Variants in KIAA1755 observed in about 807,000 individuals in gnomAD.
The protein encoded by KIAA1755 is uncharacterized protein KIAA1755.
KIAA1755 carries 68 observed loss-of-function variants against 91.7 expected under a neutral mutation model. That is an observed-to-expected ratio of 0.74 (90% CI 0.61 to 0.91). KIAA1755 has a LOEUF of 0.91. KIAA1755 is among the 40% of genes least tolerant of loss of function. The pLI, the probability that KIAA1755 is intolerant of heterozygous loss-of-function variation, is 0.00. For missense variants in KIAA1755, 1,535 were observed against 1,494.4 expected (o/e 1.03, Z -0.45); for synonymous variants, 610 against 604.6 (o/e 1.01, Z -0.13).
At chr20:38,257,232 G>A (rs536144769) in intron 1 of KIAA1755, among the ~76,000 whole-genome samples, 1 of 152,304 alleles carries the variant, frequency 6.6e-6, no homozygotes, top group South Asian at 2.1e-4. Context: ...GCACACAGTA[G>A]GGAACTGGGG....
intron 1 of KIAA1755, among the ~76,000 whole-genome samples, chr20:38,259,208 C>T (rs572375334): frequency 8.5e-5 from 13 of 152,292 alleles, no homozygotes; most frequent in Admixed American, 2.0e-4. Context: ...AGGTGAATAA[C>T]CACTGGCTTA....
chr20:38,228,105 TC>T (rs1380326673), intron 6 of KIAA1755, 41 bp downstream of exon 6: 3 of 1,474,228 alleles, frequency 2.0e-6, no homozygotes, highest in South Asian at 1.3e-5. Context: ...CCCTGGTGGC[TC>T]CCAGGACTTA....
chr20:38,242,508 AAATGCATTT>A (rs2076087234), intron 2 of KIAA1755, among the ~76,000 whole-genome samples: 1 of 152,234 alleles, frequency 6.6e-6, no homozygotes, highest in African/African-American at 2.4e-5. Flanking sequence ...CATAAGTCAA[AAATGCATTT>A]AATGTACCTA....
rs199690669 is a variant in KIAA1755, at chr20:38,216,606, AT to A, written c.2901+646del. ...CCCCACAGACCTCAGTTTTCCCATA[AT>A]TTTTTTTTAAAGAGAGATTTGGCTA... On this transcript the variant is annotated intron_variant, in intron 13 of 13. Coordinates refer to ENST00000279024, the MANE Select transcript of KIAA1755 (RefSeq NM_001029864.2). 3.3e-5 allele frequency among the ~76,000 whole-genome samples: 5 copies of A among 151,878 alleles called. No individual in the cohort carries two copies. In the South Asian group the frequency reaches 8.4e-4, roughly 25 times the overall value.
At chr20:38,245,261 G>C (rs1275295033) in intron 2 of KIAA1755, among the ~76,000 whole-genome samples, 1 of 152,216 alleles carries the variant, frequency 6.6e-6, no homozygotes, top group Non-Finnish European at 1.5e-5. Flanking sequence ...GCTTCCCTGG[G>C]TTCCAGCCTT....
At chr20:38,223,388 TGGGTGCCCCTCAAA>T in intron 9 of KIAA1755, 136 bp downstream of exon 9, 1 of 565,186 alleles carries the variant, frequency 1.8e-6, no homozygotes. Flanking sequence ...GGGTACAAAG[TGGGTGCCCCTCAAA>T]TATGAGTCAA....
chr20:38,227,305 T>C, intron 6 of KIAA1755, 65 bp from the exon 7 acceptor site: 5 of 1,277,078 alleles, frequency 3.9e-6, no homozygotes, highest in Non-Finnish European at 5.6e-6. Flanking sequence ...CACACTTTGA[T>C]TTCCTCCTTC....
rs1005556383 is a variant in KIAA1755, at chr20:38,212,359, A to C, written c.*683T>G. The C allele has an allele frequency of 4.6e-5, 7 of 152,242 alleles. No homozygotes were observed. The highest frequency in any genetic ancestry group is 1.5e-4 in the African/African-American group (6 of 41,378). 9.4% of individuals were successfully genotyped at this position (152,242 alleles called of 1,614,324 possible). ...GGCAATCCCAGCACTTTGGCAGGCC[A>C]AGGCAAGAGGATCACTTGAGCCCAG... is the stretch of plus-strand genomic sequence containing the variant. On this transcript the variant is annotated 3_prime_UTR_variant, in exon 14 of 14. Coordinates refer to ENST00000279024, the MANE Select transcript of KIAA1755 (RefSeq NM_001029864.2).
intron 1 of KIAA1755, among the ~76,000 whole-genome samples, chr20:38,246,738 C>A (rs576533793): frequency 1.3e-5 from 2 of 152,176 alleles, no homozygotes; most frequent in Admixed American, 6.5e-5. Flanking sequence ...CTCCTAGATG[C>A]CTCTCAGCCA....
At chr20:38,218,814 G>A (rs185858101) in intron 11 of KIAA1755, among the ~76,000 whole-genome samples, 17 of 152,324 alleles carry the variant, frequency 1.1e-4, no homozygotes, top group Non-Finnish European at 2.4e-4. Context: ...CCATGGGCCT[G>A]CTGGGAACTC....
intron 13 of KIAA1755, among the ~76,000 whole-genome samples, chr20:38,215,966 T>C (rs1017864639): frequency 1.3e-5 from 2 of 152,214 alleles, no homozygotes; most frequent in Non-Finnish European, 2.9e-5. Context: ...CCCACTCAGT[T>C]AGCTGTGTGA....
chr20:38,237,798 C>T (rs1413050944), intron 4 of KIAA1755, among the ~76,000 whole-genome samples: 1 of 141,326 alleles, frequency 7.1e-6, no homozygotes, highest in African/African-American at 2.7e-5. Context: ...CATGAAAACC[C>T]GGCGGGGAGA....
intron 11 of KIAA1755, 73 bp downstream of exon 11, chr20:38,219,557 C>A (rs1190390141): frequency 9.5e-6 from 15 of 1,579,154 alleles, no homozygotes; most frequent in Non-Finnish European, 1.2e-5. Flanking sequence ...TAGGGACGGG[C>A]CCAGAGTCGG....
At chr20:38,232,523 G>C (rs981250182) in intron 4 of KIAA1755, among the ~76,000 whole-genome samples, 1 of 151,810 alleles carries the variant, frequency 6.6e-6, no homozygotes, top group East Asian at 1.9e-4. Context: ...AGCTACTTGG[G>C]AGGCTGAGGC....
chr20:38,222,570 T>C lies in KIAA1755; in HGVS notation c.2296A>G (p.Lys766Glu), dbSNP rs1192844477. Residue 766 changes from lysine (K) to glutamate (E), a missense_variant, in exon 10 of 14, where the codon AAG becomes GAG. Lys to Glu is a moderately conservative substitution (Grantham distance 56). Transcript: ENST00000279024. ...CTCAGCACAGCCTCCATCAGCTCCTTGGACTTGCTCAGGCACCTGGTAGCC... is the reference window on the plus strand; with the variant it reads ...CTCAGCACAGCCTCCATCAGCTCCTCGGACTTGCTCAGGCACCTGGTAGCC... ...QEATRCLSKS[K>E]ELMEAVLRDP... The C allele has an allele frequency of 1.2e-6, 2 of 1,613,110 alleles. No individual in the cohort carries two copies. The highest frequency in any genetic ancestry group is 2.2e-5 in the South Asian group (2 of 91,088).
At position 38,222,375 on chromosome 20, in the gene KIAA1755, G is replaced by GGT. The variant is rs1025834429; in HGVS notation, c.2417+72_2417+73dup. The GGT allele has an allele frequency of 2.9e-5, 44 of 1,497,292 alleles. 1 individual carries two copies. In the African/African-American group the frequency reaches 5.0e-4, roughly 17 times the overall value. 92.8% of individuals were successfully genotyped at this position (1,497,292 alleles called of 1,614,324 possible). Reference sequence around the variant, plus strand: ...GGGCTCAGCTATGTGTGCCCTAGGTGGTGTGGTCCCAGCTCCAAGCTCCTG... The same window carrying GGT: ...GGGCTCAGCTATGTGTGCCCTAGGTGGTGTGTGGTCCCAGCTCCAAGCTCCTG... On this transcript the variant is annotated intron_variant, in intron 10 of 13. Transcript: ENST00000279024.
In KIAA1755 at chr20:38,241,739, A is replaced by C; in HGVS notation, c.392T>G (p.Val131Gly). The change falls in exon 3 of 14, where the codon GTG becomes GGG. Residue 131 changes from valine (V) to glycine (G), a missense_variant. Physicochemically the swap from Val to Gly is moderately radical, Grantham distance 109 (BLOSUM62 -3). Transcript: ENST00000279024. Reference sequence around the variant, plus strand: ...TGGCTCTGGAACAGGCTTCTTGTCCACTGTGCAGAGGTCCAGGGAGAGGCA... The same window carrying C: ...TGGCTCTGGAACAGGCTTCTTGTCCCCTGTGCAGAGGTCCAGGGAGAGGCA... ...IKCLSLDLCT[V>G]DKKPVPEPAY... is the part of the protein sequence containing the mutation. 6.2e-7 allele frequency: 1 copy of C among 1,614,228 alleles called. No homozygotes were observed. Among genetic ancestry groups the C allele is most frequent in the Admixed American group, 1.7e-5 (1 of 60,034 alleles).
chr20:38,241,139 G>A lies in KIAA1755; in HGVS notation c.992C>T (p.Ser331Phe). Residue 331 changes from serine (S) to phenylalanine (F), a missense_variant, in exon 3 of 14, where the codon TCC becomes TTC. Physicochemically the swap from Ser to Phe is radical, Grantham distance 155. Coordinates refer to ENST00000279024, the MANE Select transcript of KIAA1755 (RefSeq NM_001029864.2). ...CTTTGTGCAAGCCCGATTTCCCAAG[G>A]AAGGTCCTTCATTGGCCTCTGAGAG... ...LPLSEANEGP[S>F]LGNRACTKPE... 1 of 1,614,086 alleles carries A rather than the reference G, an allele frequency of 6.2e-7. No individual in the cohort carries two copies. The highest frequency in any genetic ancestry group is 8.5e-7 in the Non-Finnish European group (1 of 1,179,994).
rs767177382 is a variant in KIAA1755 at position 38,256,390 on chromosome 20, C to T, written c.3+4108G>A. Among the ~76,000 whole-genome samples, 4 of 152,202 alleles carry T rather than the reference C, an allele frequency of 2.6e-5. No individual in the cohort carries two copies. The East Asian group carries it at 7.7e-4, about 29-fold the overall frequency. On this transcript the variant is annotated intron_variant, in intron 1 of 13. Transcript: ENST00000279024. ...CCCAAGGCTTTCCAATCATCATGGG[C>T]CCCTTTCATGAGGTTCTTTCTGCCA...
Sources: gnomAD v4.1 joint callset for allele counts (sites outside exome capture counted in the v4.1 genomes callset) on GRCh38, gnomAD v4.1.1 for gene constraint, MANE v1.5 for transcripts, NCBI Gene and HGNC (gene_info 2026-07-23, HGNC 2026-07-21) for gene names.